The following ZC3H7B variants were observed in gnomAD, a reference collection of about 807,000 sequenced individuals.
ZC3H7B encodes the protein zinc finger CCCH domain-containing protein 7B.
ZC3H7B carries 35 observed loss-of-function variants against 116.0 expected under a neutral mutation model. The observed-to-expected ratio is 0.30, with a 90% confidence interval of 0.23 to 0.40. The LOEUF (loss-of-function observed/expected upper bound fraction) is 0.40. Among genes scored for constraint, ZC3H7B ranks in the 10% least tolerant of loss-of-function variants. ZC3H7B has a pLI of 1.00. For synonymous variants in ZC3H7B, 502 were observed against 545.6 expected, an observed-to-expected ratio of 0.92 and a Z score of 1.11; for missense variants, 1,011 against 1,321.5, an observed-to-expected ratio of 0.77 and a Z score of 3.64.
intron 13 of ZC3H7B, among the ~76,000 whole-genome samples, chr22:41,344,588 A>G (rs910026541): frequency 2.0e-5 from 3 of 151,756 alleles, no homozygotes; most frequent in Non-Finnish European, 4.4e-5. Context: ...TCCCCTTGCA[A>G]TCACCCCCAC....
intron 11 of ZC3H7B, among the ~76,000 whole-genome samples, chr22:41,341,501 TG>T (rs953974128): frequency 2.6e-5 from 4 of 152,084 alleles, no homozygotes; most frequent in Non-Finnish European, 5.9e-5. Flanking sequence ...CCCAGCACTT[TG>T]GGAGGCCGAG....
chr22:41,304,377 A>G (rs938918724), intron 1 of ZC3H7B, among the ~76,000 whole-genome samples: 1 of 142,990 alleles, frequency 7.0e-6, no homozygotes, highest in Non-Finnish European at 1.5e-5. Flanking sequence ...TGGGCTCAAC[A>G]TATCTACCCA....
intron 17 of ZC3H7B, among the ~76,000 whole-genome samples, chr22:41,353,522 G>A (rs2036679113): frequency 6.6e-6 from 1 of 152,242 alleles, no homozygotes. Flanking sequence ...AGGACCCTCG[G>A]GCTCAGAGGG....
chr22:41,318,487 C>T (rs1484751928), intron 1 of ZC3H7B, among the ~76,000 whole-genome samples: 1 of 144,574 alleles, frequency 6.9e-6, no homozygotes, highest in African/African-American at 2.6e-5. Context: ...CAAGATTGTG[C>T]CACTGCACTC....
intron 5 of ZC3H7B, among the ~76,000 whole-genome samples, 187 bp from the exon 6 acceptor site, chr22:41,329,836 G>A (rs2036359701): frequency 6.6e-6 from 1 of 152,190 alleles, no homozygotes; most frequent in African/African-American, 2.4e-5. Flanking sequence ...TGGGATGGTG[G>A]TCCTGGTGCC....
rs1324923345 is a variant in ZC3H7B, at chr22:41,351,216, T to TG, written c.1949-340dup. 6.6e-6 allele frequency among the ~76,000 whole-genome samples: 1 copy of TG among 152,002 alleles called. No individual in the cohort carries two copies. The highest frequency in any genetic ancestry group is 1.9e-4 in the East Asian group (1 of 5,174). ...AGGCTTGCAGCCCTGTTGAGGGAGA[T>TG]GGGGGTCAGGGAAGGGTGCTGAGTC... On this transcript the variant is annotated intron_variant, in intron 16 of 22. Transcript: ENST00000352645. This position sits in a 1 kb window ranked among gnomAD's most constrained non-coding sequence, Gnocchi z 5.1.
chr22:41,332,099 C>T, intron 6 of ZC3H7B, 72 bp from the exon 7 acceptor site: 8 of 1,561,868 alleles, frequency 5.1e-6, no homozygotes, highest in Non-Finnish European at 6.2e-6. Flanking sequence ...CTCTTTGCTG[C>T]CCCAGCTAAG....
At chr22:41,343,237 C>G (rs1343107607) in intron 12 of ZC3H7B, among the ~76,000 whole-genome samples, 178 bp from the exon 13 acceptor site, 1 of 152,154 alleles carries the variant, frequency 6.6e-6, no homozygotes, top group African/African-American at 2.4e-5. Flanking sequence ...CCAGCACAGT[C>G]CCCCGGTCTC....
chr22:41,343,104 C>T (rs1376673094), intron 12 of ZC3H7B, among the ~76,000 whole-genome samples: 1 of 152,162 alleles, frequency 6.6e-6, no homozygotes, highest in African/African-American at 2.4e-5. Flanking sequence ...ACCCGGAAGG[C>T]AGAGGTTGCA....
intron 1 of ZC3H7B, among the ~76,000 whole-genome samples, chr22:41,310,183 C>T (rs570639089): frequency 2.2e-4 from 33 of 152,188 alleles, no homozygotes; most frequent in African/African-American, 5.8e-4. Flanking sequence ...CCAGCCTGGG[C>T]GACAGAGCGA....
In ZC3H7B at chr22:41,302,805, G is replaced by A. The variant is rs2035989160; in HGVS notation, c.-7+1033G>A. ...TTGCCAACAGGGCATTGACGGGGAA[G>A]ACTAGGGGGCTAGGGCCCTGCGTGG... On this transcript the variant is annotated intron_variant, in intron 1 of 22. Transcript: ENST00000352645. This position sits in a 1 kb window ranked among gnomAD's most constrained non-coding sequence, Gnocchi z 5.7. Among the ~76,000 whole-genome samples, 2 of 152,052 alleles carry A rather than the reference G, an allele frequency of 1.3e-5. No individual in the cohort carries two copies.
intron 11 of ZC3H7B, among the ~76,000 whole-genome samples, chr22:41,341,547 T>C (rs551305162): frequency 2.5e-4 from 36 of 142,570 alleles, no homozygotes; most frequent in African/African-American, 8.9e-4. Flanking sequence ...ATTGAGACCA[T>C]CCTGGCTAAC....
rs372784152 is a variant in ZC3H7B at position 41,314,302 on chromosome 22, G to T, written c.-6-6353G>T. 7.6e-4 allele frequency among the ~76,000 whole-genome samples: 116 copies of T among 151,636 alleles called. 4 individuals carry two copies. In the South Asian group the frequency reaches 0.024, roughly 31 times the overall value. On this transcript the variant is annotated intron_variant, in intron 1 of 22. Transcript: ENST00000352645. The stretch of plus-strand genomic sequence containing the variant: ...CTCCCGAGTAGTTGGGACTATAGGC[G>T]AGTGCCACCAAGCCTGGCTACTTTT...
In ZC3H7B at chr22:41,356,369, A is replaced by G; in HGVS notation, c.2410A>G (p.Met804Val). Reference sequence around the variant, plus strand: ...CCTGGACATGCAGCAGACCTATGACATGTGGCTGAAAAAACACAACCCAGG... The same window carrying G: ...CCTGGACATGCAGCAGACCTATGACGTGTGGCTGAAAAAACACAACCCAGG... ...KILDMQQTYD[M>V]WLKKHNPGKP... is the part of the protein sequence containing the mutation. The change falls in exon 21 of 23, where the codon ATG (methionine) becomes GTG (valine). Residue 804 changes from methionine (M) to valine (V), a missense_variant. Met to Val is a conservative substitution (Grantham distance 21). Around this residue, in one of 5 missense-constraint regions of ZC3H7B, gnomAD observed 406 missense variants for 590.2 expected, o/e 0.69. Coordinates refer to ENST00000352645, the MANE Select transcript of ZC3H7B (RefSeq NM_017590.6). The G allele has an allele frequency of 6.2e-7, 1 of 1,614,138 alleles. No individual in the cohort carries two copies. The highest frequency in any genetic ancestry group is 1.7e-5 in the Admixed American group (1 of 60,028).
intron 1 of ZC3H7B, among the ~76,000 whole-genome samples, chr22:41,305,877 G>A (rs1485025671): frequency 6.6e-6 from 1 of 152,170 alleles, no homozygotes; most frequent in East Asian, 1.9e-4. Flanking sequence ...AGCCCCAGAG[G>A]CGGTGCCAGG....
rs1025517045 is a variant in ZC3H7B at position 41,327,259 on chromosome 22, T to C, written c.339T>C (p.Ser113=). 1 of 1,613,922 alleles carries C rather than the reference T, an allele frequency of 6.2e-7. No homozygotes were observed. The highest frequency in any genetic ancestry group is 1.3e-5 in the African/African-American group (1 of 74,936). The change falls in exon 5 of 23, where the codon AGT becomes AGC. Residue 113 remains serine, a synonymous_variant. Transcript: ENST00000352645. The surrounding 1 kb of genome is among the most constrained non-coding windows in gnomAD (Gnocchi z 4.5). ...EDSEKALGLD[S]ESIRALFRKA... is the part of the protein sequence containing the mutation. ...GCGAGAAGGCGCTGGGCCTGGACAG[T>C]GAGAGTATCCGGGCGTTGTTCCGCA...
chr22:41,336,495 C>T (rs2145925539), intron 7 of ZC3H7B: 1 of 152,248 alleles, frequency 6.6e-6, no homozygotes, highest in South Asian at 2.1e-4. Context: ...AACCCCATCT[C>T]TACTAAAAAT....
At position 41,356,331 on chromosome 22, in the gene ZC3H7B, T is replaced by C. The variant is rs2036716755; in HGVS notation, c.2384-12T>C. On this transcript the variant is annotated splice_polypyrimidine_tract_variant and intron_variant, in intron 20 of 22. Transcript: ENST00000352645. ...CCCCTCAGCAGGTGCCCTGTCCCTG[T>C]CCCCTGCCCAGTCCTGGACATGCAG... is the stretch of plus-strand genomic sequence containing the variant. 6.2e-7 allele frequency: 1 copy of C among 1,613,688 alleles called. No individual in the cohort carries two copies. Among genetic ancestry groups the C allele is most frequent in the Admixed American group, 1.7e-5 (1 of 59,988 alleles).
chr22:41,357,488 G>T lies in ZC3H7B; in HGVS notation c.*59G>T, dbSNP rs954170098. On this transcript the variant is annotated 3_prime_UTR_variant, in exon 23 of 23. Coordinates refer to ENST00000352645, the MANE Select transcript of ZC3H7B (RefSeq NM_017590.6). This position sits in a 1 kb window ranked among gnomAD's most constrained non-coding sequence, Gnocchi z 5.4. ...TCAGGGGGTGGGGTGGGGCCAGAAG[G>T]CCTGATAGAAGGGTCAGGGCAGGCC... The T allele has an allele frequency of 1.2e-5, 16 of 1,354,488 alleles. No individual in the cohort carries two copies. Among genetic ancestry groups the T allele is most frequent in the African/African-American group, 1.4e-5 (1 of 69,016 alleles). The allele number at this position is 1,354,488 out of a possible 1,614,324, so 83.9% of individuals were successfully genotyped here. A position where few individuals can be genotyped will look rare whatever the true frequency, so the allele number is the denominator to read the frequency against.
Sources: gnomAD v4.1 joint callset for allele counts (sites outside exome capture counted in the v4.1 genomes callset) on GRCh38, gnomAD v4.1.1 for gene constraint, gnomAD v4.1.1 regional missense constraint, Gnocchi (gnomAD v3.1) non-coding constraint, MANE v1.5 for transcripts, NCBI Gene and HGNC (gene_info 2026-07-23, HGNC 2026-07-21) for gene names.